The following LY86 variants were observed in gnomAD, a reference collection of about 807,000 sequenced individuals.
LY86 encodes lymphocyte antigen 86.
Under a neutral mutation model 17.3 loss-of-function variants are expected in LY86, and 20 were observed. The ratio of observed to expected loss-of-function variants is 1.15; its 90% CI spans 0.81 to 1.68. LY86 has a LOEUF of 1.68. Ranked by LOEUF, LY86 falls within the 40% of genes most tolerant of loss-of-function variation. The probability of loss-of-function intolerance (pLI) is 0.00; values close to 1 mark genes in which losing one functional copy is unlikely to be tolerated. For synonymous variants in LY86, 74 were observed against 70.6 expected, an observed-to-expected ratio of 1.05 and a Z score of -0.24; for missense variants, 200 against 191.9, an observed-to-expected ratio of 1.04 and a Z score of -0.25.
At chr6:6,603,619 C>CAAAAAAAAAAAAAAAAAAAAAAACAA (rs758614233) in intron 1 of LY86, among the ~76,000 whole-genome samples, 1 of 117,674 alleles carries the variant, frequency 8.5e-6, no homozygotes, top group African/African-American at 3.1e-5. Flanking sequence ...AAAAAACAAA[C>CAAAAAAAAAAAAAAAAAAAAAAACAA]AAAAAAAAAC....
At position 6,594,714 on chromosome 6, in the gene LY86, AATC is replaced by A. The variant is rs916081558; in HGVS notation, c.136+5850_136+5852del. Among the ~76,000 whole-genome samples, 4 of 152,198 alleles carry A rather than the reference AATC, an allele frequency of 2.6e-5. No homozygotes were observed. The East Asian group carries it at 5.8e-4, about 22-fold the overall frequency. On this transcript the variant is annotated intron_variant, in intron 1 of 4. Transcript: ENST00000230568. ...GGTATTTATAAGATCCTTTTCAGAG[AATC>A]ATCATTGTCATAATAACCTCTCCCT...
chr6:6,626,095 A>G (rs546786885), intron 2 of LY86, among the ~76,000 whole-genome samples, 198 bp from the exon 3 acceptor site: 1 of 152,342 alleles, frequency 6.6e-6, no homozygotes, highest in East Asian at 1.9e-4. Flanking sequence ...GCCACCTTTC[A>G]TACGCAGGGC....
chr6:6,613,447 G>C (rs1761454723), intron 1 of LY86, among the ~76,000 whole-genome samples: 1 of 152,220 alleles, frequency 6.6e-6, no homozygotes, highest in Admixed American at 6.5e-5. Flanking sequence ...CCGGGAGGCA[G>C]CCAAGGCCCG....
intron 4 of LY86, 57 bp from the exon 5 acceptor site, chr6:6,654,487 A>G: frequency 1.5e-6 from 2 of 1,295,632 alleles, no homozygotes; most frequent in South Asian, 2.4e-5. Context: ...AATATTTGTT[A>G]AATGGTTAAT....
intron 1 of LY86, among the ~76,000 whole-genome samples, chr6:6,610,690 T>G (rs971829500): frequency 6.6e-6 from 1 of 152,066 alleles, no homozygotes; most frequent in Non-Finnish European, 1.5e-5. Context: ...GGTTTTGTTT[T>G]GTGGGGTGTG....
chr6:6,596,080 C>CA (rs761929248), intron 1 of LY86, among the ~76,000 whole-genome samples: 6 of 152,218 alleles, frequency 3.9e-5, no homozygotes, highest in Non-Finnish European at 7.3e-5. Flanking sequence ...TGCTACAGGG[C>CA]AGGTGCTTTA....
At chr6:6,601,437 T>C (rs1760904857) in intron 1 of LY86, among the ~76,000 whole-genome samples, 1 of 152,128 alleles carries the variant, frequency 6.6e-6, no homozygotes, top group South Asian at 2.1e-4. Context: ...CAATATACAC[T>C]AGAGGCCGGG....
intron 3 of LY86, among the ~76,000 whole-genome samples, chr6:6,633,750 C>A (rs774439900): frequency 2.6e-5 from 4 of 152,168 alleles, no homozygotes; most frequent in Non-Finnish European, 4.4e-5. Flanking sequence ...GGCAAAGTGG[C>A]CTTGGTTCCA....
intron 1 of LY86, among the ~76,000 whole-genome samples, chr6:6,610,823 G>A (rs1258111505): frequency 6.6e-6 from 1 of 152,202 alleles, no homozygotes; most frequent in Non-Finnish European, 1.5e-5. Flanking sequence ...AGCAAAGTCA[G>A]TAAGAAGGTG....
chr6:6,636,613 C>A (rs1761962150), intron 3 of LY86, among the ~76,000 whole-genome samples: 1 of 152,180 alleles, frequency 6.6e-6, no homozygotes, highest in Admixed American at 6.5e-5. Context: ...TCTAAGCCTG[C>A]ATATTTTCTG....
At chr6:6,608,780 G>A (rs1761261175) in intron 1 of LY86, among the ~76,000 whole-genome samples, 1 of 152,248 alleles carries the variant, frequency 6.6e-6, no homozygotes, top group East Asian at 1.9e-4. Flanking sequence ...TTGCTGTGAA[G>A]CAGAAGAAAC....
chr6:6,601,855 T>A (rs906696661), intron 1 of LY86, among the ~76,000 whole-genome samples: 5 of 152,132 alleles, frequency 3.3e-5, no homozygotes, highest in African/African-American at 1.2e-4. Flanking sequence ...GATGCCTGAT[T>A]TCCTCATTTT....
intron 3 of LY86, among the ~76,000 whole-genome samples, chr6:6,632,603 A>G (rs1761911829): frequency 6.6e-6 from 1 of 152,228 alleles, no homozygotes; most frequent in Admixed American, 6.5e-5. Context: ...CCAGAGGAGC[A>G]GCCAGTCCAT....
At chr6:6,611,904 A>G (rs1761350309) in intron 1 of LY86, among the ~76,000 whole-genome samples, 1 of 152,246 alleles carries the variant, frequency 6.6e-6, no homozygotes. Flanking sequence ...GAAAAAAATC[A>G]GACTGCTGCT....
intron 1 of LY86, among the ~76,000 whole-genome samples, chr6:6,605,769 A>G (rs185703358): frequency 7.4e-4 from 113 of 152,276 alleles, no homozygotes; most frequent in African/African-American, 2.6e-3. Context: ...ATTCTTTCTG[A>G]TGCTGGGATG....
chr6:6,595,916 C>T (rs1287336507), intron 1 of LY86, among the ~76,000 whole-genome samples: 1 of 152,146 alleles, frequency 6.6e-6, no homozygotes, highest in Non-Finnish European at 1.5e-5. Flanking sequence ...CCCTGTGGGA[C>T]CTGGCAGCCC....
chr6:6,643,977 C>A (rs1762075989), intron 3 of LY86, among the ~76,000 whole-genome samples: 1 of 152,188 alleles, frequency 6.6e-6, no homozygotes, highest in Non-Finnish European at 1.5e-5. Context: ...ATTTTTTAAA[C>A]AAAAATATTT....
intron 1 of LY86, among the ~76,000 whole-genome samples, chr6:6,613,230 C>T (rs1313455417): frequency 1.3e-5 from 2 of 152,268 alleles, no homozygotes; most frequent in African/African-American, 4.8e-5. Context: ...GGATCCGGCA[C>T]TAGGGCCGCA....
chr6:6,598,732 T>G (rs887219850), intron 1 of LY86, among the ~76,000 whole-genome samples: 1 of 150,836 alleles, frequency 6.6e-6, no homozygotes, highest in African/African-American at 2.4e-5. Context: ...CCTACAGGCA[T>G]CATTGGAAAC....
Sources: allele counts gnomAD v4.1 joint callset (sites outside exome capture counted in the v4.1 genomes callset), GRCh38; gene constraint gnomAD v4.1.1; transcripts MANE v1.5; gene names NCBI Gene and HGNC (gene_info 2026-07-23, HGNC 2026-07-21).